Variants in GRID2 observed in about 807,000 individuals in gnomAD.
The protein encoded by GRID2 is glutamate ionotropic receptor delta type subunit 2.
GRID2 carries 33 observed loss-of-function variants against 114.8 expected under a neutral mutation model. The ratio of observed to expected loss-of-function variants is 0.29; its 90% CI spans 0.22 to 0.38. GRID2 has a LOEUF of 0.38. Among genes scored for constraint, GRID2 ranks in the 10% least tolerant of loss-of-function variants. GRID2 has a pLI of 1.00. For missense variants in GRID2, 1,184 were observed against 1,257.7 expected (o/e 0.94, Z 0.89); for synonymous variants, 505 against 449.9 (o/e 1.12, Z -1.55).
intron 1 of GRID2, among the ~76,000 whole-genome samples, chr4:92,331,400 T>C (rs1282352684): frequency 6.6e-6 from 1 of 152,196 alleles, no homozygotes; most frequent in Non-Finnish European, 1.5e-5. Context: ...ATCTGTCTTC[T>C]AGTATTTGTG....
chr4:93,060,300 A>G (rs1727661661), intron 2 of GRID2, among the ~76,000 whole-genome samples: 1 of 152,110 alleles, frequency 6.6e-6, no homozygotes, highest in Non-Finnish European at 1.5e-5. Context: ...AAAAAATTGG[A>G]CTTTTCAAAT....
chr4:93,417,853 G>A (rs529837369), intron 9 of GRID2, among the ~76,000 whole-genome samples: 1 of 151,412 alleles, frequency 6.6e-6, no homozygotes, highest in African/African-American at 2.4e-5. Context: ...TCTTTTCCAT[G>A]TTGATGGGCA....
chr4:93,334,917 G>T (rs1252971918), intron 8 of GRID2, among the ~76,000 whole-genome samples: 1 of 151,582 alleles, frequency 6.6e-6, no homozygotes, highest in African/African-American at 2.4e-5. Flanking sequence ...GGCAACAAGA[G>T]CAAAACTCCG....
chr4:93,662,247 C>A (rs1436994596), intron 14 of GRID2, among the ~76,000 whole-genome samples: 1 of 152,116 alleles, frequency 6.6e-6, no homozygotes, highest in Non-Finnish European at 1.5e-5. Flanking sequence ...AGGCACACGC[C>A]CATCCCTGCC....
chr4:93,207,135 T>C (rs1484805846), intron 4 of GRID2, among the ~76,000 whole-genome samples: 2 of 152,106 alleles, frequency 1.3e-5, no homozygotes, highest in Non-Finnish European at 2.9e-5. Context: ...ATTTTATTTA[T>C]GTATTTTTTT....
Position 92,726,484 on chromosome 4 carries a change from T to C in GRID2, c.244+136198T>C, listed in dbSNP as rs562218688. Among the ~76,000 whole-genome samples the C allele has an allele frequency of 2.7e-4, 41 of 152,258 alleles. 1 individual carries two copies. Among genetic ancestry groups the C allele is most frequent in the African/African-American group, 9.6e-4 (40 of 41,586 alleles). ...CTATACATGAAAGTAGCTGCTTTTT[T>C]AATTGGTATAAAAGAAATGCAACCT... On this transcript the variant is annotated intron_variant, in intron 2 of 15. Transcript: ENST00000282020.
At chr4:93,480,758 A>G (rs1580202660) in intron 11 of GRID2, among the ~76,000 whole-genome samples, 1 of 152,174 alleles carries the variant, frequency 6.6e-6, no homozygotes, top group East Asian at 1.9e-4. Context: ...TCAGAGGAGA[A>G]GCACACAGAA....
intron 8 of GRID2, among the ~76,000 whole-genome samples, chr4:93,266,163 T>A (rs1311106387): frequency 1.3e-5 from 2 of 152,174 alleles, no homozygotes; most frequent in South Asian, 4.1e-4. Flanking sequence ...AGAAAACCCA[T>A]GAGAGAAGTA....
intron 1 of GRID2, among the ~76,000 whole-genome samples, chr4:92,553,251 A>G (rs1235246012): frequency 6.6e-6 from 1 of 152,194 alleles, no homozygotes; most frequent in Non-Finnish European, 1.5e-5. Context: ...AACACAACAC[A>G]TCATATAATT....
At chr4:93,054,449 T>C (rs538341711) in intron 2 of GRID2, among the ~76,000 whole-genome samples, 85 of 152,062 alleles carry the variant, frequency 5.6e-4, no homozygotes, top group Middle Eastern at 6.8e-3. Flanking sequence ...AAACTTGCCA[T>C]TCAGGAAAGT....
chr4:93,077,860 A>G (rs534938102), intron 2 of GRID2, among the ~76,000 whole-genome samples: 2 of 152,326 alleles, frequency 1.3e-5, no homozygotes, highest in South Asian at 2.1e-4. Context: ...AAACAGTCTT[A>G]AAAGACTGAC....
At chr4:92,960,549 C>A (rs1035284128) in intron 2 of GRID2, among the ~76,000 whole-genome samples, 1 of 151,900 alleles carries the variant, frequency 6.6e-6, no homozygotes, top group Admixed American at 6.6e-5. Context: ...GCTCTGACGT[C>A]GGCTCTGTCT....
At chr4:92,826,413 T>G (rs1741703976) in intron 2 of GRID2, among the ~76,000 whole-genome samples, 2 of 152,228 alleles carry the variant, frequency 1.3e-5, no homozygotes, top group East Asian at 3.9e-4. Context: ...ATTTTCTATC[T>G]TCCTTCCTGC....
At chr4:93,491,783 C>T (rs1442499833) in intron 12 of GRID2, among the ~76,000 whole-genome samples, 2 of 151,526 alleles carry the variant, frequency 1.3e-5, no homozygotes, top group Non-Finnish European at 2.9e-5. Flanking sequence ...CATTAGTAGC[C>T]ACAAAACTAT....
At chr4:93,269,037 T>C (rs1267231499) in intron 8 of GRID2, among the ~76,000 whole-genome samples, 5 of 152,188 alleles carry the variant, frequency 3.3e-5, no homozygotes, top group Non-Finnish European at 7.3e-5. Flanking sequence ...GTCTTACAGA[T>C]ATGTAATTTT....
At chr4:92,522,107 A>G (rs769107723) in intron 1 of GRID2, among the ~76,000 whole-genome samples, 2 of 151,766 alleles carry the variant, frequency 1.3e-5, no homozygotes, top group Non-Finnish European at 2.9e-5. Flanking sequence ...ATTAAGGAGG[A>G]GCATAGGAGT....
intron 14 of GRID2, among the ~76,000 whole-genome samples, chr4:93,704,099 G>T (rs1209976798): frequency 2.6e-5 from 4 of 152,048 alleles, no homozygotes; most frequent in South Asian, 2.1e-4. Context: ...TGAACTAGTT[G>T]GCAGTCCCAC....
intron 5 of GRID2, among the ~76,000 whole-genome samples, chr4:93,212,774 GT>G (rs11384425): frequency 1.3e-5 from 2 of 148,546 alleles, no homozygotes; most frequent in African/African-American, 2.5e-5. Flanking sequence ...GTTTTTTGTT[GT>G]TTTTTTTTTC....
chr4:93,144,922 T>C lies in GRID2; in HGVS notation c.735+33969T>C, dbSNP rs186040757. Among the ~76,000 whole-genome samples the C allele has an allele frequency of 1.0e-3, 154 of 152,266 alleles. 1 individual carries two copies. Among genetic ancestry groups the C allele is most frequent in the African/African-American group, 3.6e-3 (151 of 41,576 alleles). On this transcript the variant is annotated intron_variant, in intron 4 of 15. Coordinates refer to ENST00000282020, the MANE Select transcript of GRID2 (RefSeq NM_001510.4). ...AAGTATCAGGGAACAGTGGGATCTT[T>C]GTGGATGAGCCTTAAAATCTGAACC...
Sources: gnomAD v4.1 joint callset for allele counts (sites outside exome capture counted in the v4.1 genomes callset) on GRCh38, gnomAD v4.1.1 for gene constraint, MANE v1.5 for transcripts, NCBI Gene and HGNC (gene_info 2026-07-23, HGNC 2026-07-21) for gene names.